The following SCLT1 variants were observed in gnomAD, a reference collection of about 807,000 sequenced individuals.
SCLT1 encodes sodium channel-associated protein 1.
SCLT1 carries 78 observed loss-of-function variants against 112.8 expected under a neutral mutation model. The observed-to-expected ratio is 0.69, with a 90% CI of 0.58 to 0.83. The LOEUF (loss-of-function observed/expected upper bound fraction) is 0.83. Ranked by LOEUF, SCLT1 falls within the 40% of genes least tolerant of loss-of-function variation. The pLI is 0.00. For missense variants in SCLT1, 747 were observed against 770.4 expected (o/e 0.97, Z 0.36); for synonymous variants, 257 against 254.7 (o/e 1.01, Z -0.09).
At chr4:129,048,222 A>C (rs555640841) in intron 2 of SCLT1, among the ~76,000 whole-genome samples, 56 of 152,128 alleles carry the variant, frequency 3.7e-4, no homozygotes, top group Middle Eastern at 3.4e-3. Flanking sequence ...TACCTGACTT[A>C]AAACTATACT....
chr4:129,019,812 A>G (rs1745301450), intron 5 of SCLT1, among the ~76,000 whole-genome samples: 1 of 152,188 alleles, frequency 6.6e-6, no homozygotes, highest in South Asian at 2.1e-4. Flanking sequence ...GATTAATACA[A>G]AAGATCCTAA....
intron 2 of SCLT1, among the ~76,000 whole-genome samples, chr4:129,077,277 A>C (rs1227122757): frequency 6.6e-6 from 1 of 152,192 alleles, no homozygotes; most frequent in Non-Finnish European, 1.5e-5. Flanking sequence ...ACAAGAAATA[A>C]ATATCAAACT....
Position 129,043,439 on chromosome 4 carries a change from C to A in SCLT1, c.190G>T (p.Asp64Tyr). The change falls in exon 4 of 21, where the codon GAT becomes TAT. Residue 64 changes from aspartate to tyrosine, a missense_variant. By Grantham distance (160) the Asp-to-Tyr change is radical. Transcript: ENST00000281142. ...SFLAPLVTEYDKHLGELNGQL... is the reference protein window; with the variant it reads ...SFLAPLVTEYYKHLGELNGQL... Reference sequence around the variant, plus strand: ...CCATTTAGTTCTCCTAGGTGTTTATCATACTCAGTAACAAGAGGAGCTAAA... The same window carrying A: ...CCATTTAGTTCTCCTAGGTGTTTATAATACTCAGTAACAAGAGGAGCTAAA... The A allele has an allele frequency of 6.5e-7, 1 of 1,546,518 alleles. No individual in the cohort carries two copies. Among genetic ancestry groups the A allele is most frequent in the African/African-American group, 1.4e-5 (1 of 73,096 alleles).
rs1182733005 is a variant in SCLT1 at position 128,943,044 on chromosome 4, C to A, written c.1584G>T (p.Glu528Asp). The change falls in exon 17 of 21, where the codon GAG becomes GAT. Residue 528 changes from glutamate to aspartate, a missense_variant. Physicochemically the swap from Glu to Asp is conservative, Grantham distance 45. Coordinates refer to ENST00000281142, the MANE Select transcript of SCLT1 (RefSeq NM_144643.4). ...CCTCCAGGGCAATCTTCCTTAAACT[C>A]TCAGTCTCTTTCCGTAACTGTTTAT... ...QENKQLRKET[E>D]SLRKIALEAQ... 1 of 1,613,088 alleles carries A rather than the reference C, an allele frequency of 6.2e-7. No homozygotes were observed. Among genetic ancestry groups the A allele is most frequent in the Non-Finnish European group, 8.5e-7 (1 of 1,179,412 alleles).
Position 129,053,557 on chromosome 4 carries a change from A to ATTTTTTTTTTTTTTTTTTTTT in SCLT1, c.103-9527_103-9507dup, listed in dbSNP as rs528905688. Among the ~76,000 whole-genome samples the ATTTTTTTTTTTTTTTTTTTTT allele has an allele frequency of 1.5e-3, 68 of 45,234 alleles. 15 individuals are homozygous for ATTTTTTTTTTTTTTTTTTTTT. Among genetic ancestry groups the ATTTTTTTTTTTTTTTTTTTTT allele is most frequent in the African/African-American group, 2.0e-3 (22 of 11,010 alleles). 29.7% of individuals were successfully genotyped at this position (45,234 alleles called of 152,430 possible). On this transcript the variant is annotated intron_variant, in intron 2 of 20. Coordinates refer to ENST00000281142, the MANE Select transcript of SCLT1 (RefSeq NM_144643.4). Reference sequence around the variant, plus strand: ...TTAGAGACTAGGATTGCAATCCCTGATTTTTTTTTTTTTTTTTTTTTTTTT... The same window carrying ATTTTTTTTTTTTTTTTTTTTT: ...TTAGAGACTAGGATTGCAATCCCTGATTTTTTTTTTTTTTTTTTTTTTTTTTTTTTTTTTTTTTTTTTTTTT...
intron 2 of SCLT1, among the ~76,000 whole-genome samples, chr4:129,081,396 C>T (rs1488422233): frequency 6.6e-6 from 1 of 152,226 alleles, no homozygotes; most frequent in African/African-American, 2.4e-5. Context: ...TTTGTAACTC[C>T]TTTGTCTCCG....
chr4:129,063,881 A>G (rs1415162707), intron 2 of SCLT1, among the ~76,000 whole-genome samples: 3 of 152,142 alleles, frequency 2.0e-5, no homozygotes, highest in Non-Finnish European at 4.4e-5. Context: ...GAGCTTACTC[A>G]CTATGCTCTC....
At chr4:129,068,978 A>G (rs573210240) in intron 2 of SCLT1, among the ~76,000 whole-genome samples, 4 of 152,230 alleles carry the variant, frequency 2.6e-5, no homozygotes, top group African/African-American at 7.2e-5. Context: ...ATCTAGTTTC[A>G]TTCTCCTACA....
Position 128,888,614 on chromosome 4 carries a change from T to G in SCLT1, c.2004+65A>C, listed in dbSNP as rs747482784. ...AGTAAAAATAAACTATTAAGTTCCC[T>G]GGGAACTTCTAAAAAACTTATCTTT... On this transcript the variant is annotated intron_variant, in intron 20 of 20. Coordinates refer to ENST00000281142, the MANE Select transcript of SCLT1 (RefSeq NM_144643.4). 3.5e-6 allele frequency: 3 copies of G among 850,832 alleles called. No homozygotes were observed. The East Asian group carries it at 7.7e-5, about 22-fold the overall frequency. The allele number at this position is 850,832 out of a possible 1,614,324, so 52.7% of individuals were successfully genotyped here.
At chr4:128,914,073 A>C (rs2125950837) in intron 18 of SCLT1, among the ~76,000 whole-genome samples, 1 of 152,222 alleles carries the variant, frequency 6.6e-6, no homozygotes, top group East Asian at 1.9e-4. Context: ...GATCTTTAAA[A>C]CTAGTAATAT....
intron 2 of SCLT1, among the ~76,000 whole-genome samples, chr4:129,061,388 G>A (rs1749957745): frequency 6.6e-6 from 1 of 152,120 alleles, no homozygotes; most frequent in African/African-American, 2.4e-5. Context: ...TGAGATGTCT[G>A]GCCTGTAGGG....
At chr4:128,903,658 G>A (rs186880672) in intron 18 of SCLT1, among the ~76,000 whole-genome samples, 1 of 152,228 alleles carries the variant, frequency 6.6e-6, no homozygotes, top group Admixed American at 6.5e-5. Flanking sequence ...CAACCTTACA[G>A]TTTTCTTCCA....
intron 11 of SCLT1, among the ~76,000 whole-genome samples, chr4:128,963,259 C>A (rs1408889065): frequency 1.3e-5 from 2 of 152,088 alleles, no homozygotes; most frequent in Non-Finnish European, 2.9e-5. Context: ...TTTTTAAAAA[C>A]CCTATTTTTA....
chr4:128,912,396 T>C (rs1170878079), intron 18 of SCLT1, among the ~76,000 whole-genome samples: 3 of 152,188 alleles, frequency 2.0e-5, no homozygotes, highest in African/African-American at 4.8e-5. Flanking sequence ...TTGTAACGTA[T>C]TTTTTCATTA....
chr4:128,919,654 C>T (rs1224362275), intron 18 of SCLT1, among the ~76,000 whole-genome samples: 6 of 151,690 alleles, frequency 4.0e-5, no homozygotes, highest in Admixed American at 3.3e-4. Flanking sequence ...GATAGACCAC[C>T]AGCTAGACTA....
intron 16 of SCLT1, 57 bp from the exon 17 acceptor site, chr4:128,943,245 T>G: frequency 8.2e-7 from 1 of 1,222,518 alleles, no homozygotes; most frequent in Non-Finnish European, 1.1e-6. Context: ...TAGTAGAAGA[T>G]AAAAGTCTGT....
chr4:129,023,819 C>A (rs973421985), intron 5 of SCLT1, among the ~76,000 whole-genome samples: 1 of 152,180 alleles, frequency 6.6e-6, no homozygotes, highest in South Asian at 2.1e-4. Flanking sequence ...CCTGGAAAAT[C>A]GGGTCACTCC....
Position 128,938,709 on chromosome 4 carries a change from T to C in SCLT1, c.1633-1858A>G, listed in dbSNP as rs182213756. On this transcript the variant is annotated intron_variant, in intron 17 of 20. Transcript: ENST00000281142. Reference sequence around the variant, plus strand: ...TAAAAACTGATCTATGGGCCAGGTGTGGTGGCTTATGCCTGTAATCCCAGC... The same window carrying C: ...TAAAAACTGATCTATGGGCCAGGTGCGGTGGCTTATGCCTGTAATCCCAGC... Among the ~76,000 whole-genome samples the C allele has an allele frequency of 3.8e-3, 582 of 152,238 alleles. 4 individuals are homozygous for C. The highest frequency in any genetic ancestry group is 0.013 in the African/African-American group (557 of 41,542).
At chr4:128,978,022 C>G (rs1475225255) in intron 9 of SCLT1, among the ~76,000 whole-genome samples, 1 of 151,994 alleles carries the variant, frequency 6.6e-6, no homozygotes, top group Non-Finnish European at 1.5e-5. Flanking sequence ...CCAACACGAG[C>G]AGATGTAGAG....
Sources: gnomAD v4.1 joint callset for allele counts (sites outside exome capture counted in the v4.1 genomes callset) on GRCh38, gnomAD v4.1.1 for gene constraint, MANE v1.5 for transcripts, NCBI Gene and HGNC (gene_info 2026-07-23, HGNC 2026-07-21) for gene names.